NIBAN1: variants seen among roughly 807,000 people sequenced by gnomAD.
NIBAN1 encodes the protein protein Niban 1.
A neutral mutation model predicts 75.1 loss-of-function variants in NIBAN1; 81 were observed. That is an observed-to-expected ratio of 1.08 (90% CI 0.90 to 1.30). NIBAN1 has a LOEUF of 1.30. Ranked by LOEUF, NIBAN1 falls within the 50% of genes most tolerant of loss-of-function variation. NIBAN1 has a pLI of 0.00. For synonymous variants in NIBAN1, 436 were observed against 424.8 expected, an observed-to-expected ratio of 1.03 and a Z score of -0.32; for missense variants, 1,133 against 1,128.1, an observed-to-expected ratio of 1.00 and a Z score of -0.06.
At chr1:184,839,886 C>T (rs970844742) in intron 5 of NIBAN1, among the ~76,000 whole-genome samples, 1 of 152,030 alleles carries the variant, frequency 6.6e-6, no homozygotes, top group Non-Finnish European at 1.5e-5. Context: ...TGTGAGCCAC[C>T]GAGCCTGGCC....
At chr1:184,882,585 T>TAACA (rs1571544154) in intron 5 of NIBAN1, among the ~76,000 whole-genome samples, 1 of 152,216 alleles carries the variant, frequency 6.6e-6, no homozygotes, top group Non-Finnish European at 1.5e-5. Flanking sequence ...GTGCCTTTGA[T>TAACA]AACATACTGG....
At chr1:184,970,191 G>T (rs1658901102) in intron 1 of NIBAN1, among the ~76,000 whole-genome samples, 2 of 149,352 alleles carry the variant, frequency 1.3e-5, no homozygotes, top group African/African-American at 4.9e-5. Flanking sequence ...AAAAAAAAAT[G>T]GAGGAGTGGG....
intron 5 of NIBAN1, among the ~76,000 whole-genome samples, chr1:184,832,698 G>A (rs1197680178): frequency 6.6e-6 from 1 of 152,090 alleles, no homozygotes; most frequent in African/African-American, 2.4e-5. Flanking sequence ...CTAGTTTTAC[G>A]GGTTTGCCCT....
chr1:184,887,367 C>T (rs1656554403), intron 4 of NIBAN1, among the ~76,000 whole-genome samples: 1 of 152,080 alleles, frequency 6.6e-6, no homozygotes, highest in Non-Finnish European at 1.5e-5. Context: ...TATCTATTTC[C>T]CTTTCTGGGG....
chr1:184,821,642 T>C (rs556820791), intron 8 of NIBAN1, among the ~76,000 whole-genome samples: 80 of 152,334 alleles, frequency 5.3e-4, no homozygotes, highest in African/African-American at 1.9e-3. Flanking sequence ...GTTTCAGCCA[T>C]GAGAACGGCT....
chr1:184,936,357 G>A (rs1023122499), intron 1 of NIBAN1, among the ~76,000 whole-genome samples: 7 of 152,174 alleles, frequency 4.6e-5, no homozygotes, highest in Non-Finnish European at 8.8e-5. Flanking sequence ...AAGGGAAGTG[G>A]GGAGGAACAG....
chr1:184,926,619 GGA>G (rs1176921942), intron 1 of NIBAN1, among the ~76,000 whole-genome samples: 16 of 152,020 alleles, frequency 1.1e-4, no homozygotes, highest in African/African-American at 2.4e-5. Context: ...TTTAATTATT[GGA>G]TGTCTTGAGA....
chr1:184,794,972 C>T lies in NIBAN1; in HGVS notation c.*5G>A, dbSNP rs2102173714. The stretch of plus-strand genomic sequence containing the variant: ...CAGAGAAAGACTTCAGCCAAATTGT[C>T]CCTTTCACTCCTCTGAGGGCAGCTC... On this transcript the variant is annotated 3_prime_UTR_variant, in exon 14 of 14. Coordinates refer to ENST00000367511, the MANE Select transcript of NIBAN1 (RefSeq NM_052966.4). 6.2e-7 allele frequency: 1 copy of T among 1,607,490 alleles called. No homozygotes were observed. Among genetic ancestry groups the T allele is most frequent in the Non-Finnish European group, 8.5e-7 (1 of 1,180,010 alleles).
At chr1:184,932,293 A>T (rs956397208) in intron 1 of NIBAN1, among the ~76,000 whole-genome samples, 1 of 152,206 alleles carries the variant, frequency 6.6e-6, no homozygotes, top group African/African-American at 2.4e-5. Flanking sequence ...GCAACTCACC[A>T]TAATGTACAA....
chr1:184,804,660 T>A (rs1654138790), intron 11 of NIBAN1, among the ~76,000 whole-genome samples: 1 of 152,168 alleles, frequency 6.6e-6, no homozygotes, highest in South Asian at 2.1e-4. Flanking sequence ...CCTTTCTACA[T>A]TTTTTCTTCC....
At chr1:184,853,077 A>C in intron 5 of NIBAN1, among the ~76,000 whole-genome samples, 1 of 152,260 alleles carries the variant, frequency 6.6e-6, no homozygotes, top group East Asian at 1.9e-4. Context: ...GTCAATGAAA[A>C]GATTATAGCA....
In NIBAN1 at chr1:184,890,347, G is replaced by C. The variant is rs1656635601; in HGVS notation, c.319-125C>G. ...ATAGCAATCCCCATACTATGTTATT[G>C]AGTTATAGTCATTTACTCAAAAAAT... On this transcript the variant is annotated intron_variant, in intron 3 of 13. Transcript: ENST00000367511. 4 of 677,304 alleles carry C rather than the reference G, an allele frequency of 5.9e-6. 1 individual carries two copies. Among genetic ancestry groups the C allele is most frequent in the Admixed American group, 2.5e-5 (1 of 40,582 alleles). The allele number at this position is 677,304 out of a possible 1,614,324, so 42.0% of individuals were successfully genotyped here.
At position 184,795,154 on chromosome 1, in the gene NIBAN1, G is replaced by A. The variant is rs150744246; in HGVS notation, c.2610C>T (p.Ser870=). The A allele has an allele frequency of 1.2e-5, 20 of 1,614,010 alleles. No homozygotes were observed. The highest frequency in any genetic ancestry group is 6.7e-5 in the East Asian group (3 of 44,894). The change falls in exon 14 of 14, where the codon AGC becomes AGT. Residue 870 remains serine, a synonymous_variant. Coordinates refer to ENST00000367511, the MANE Select transcript of NIBAN1 (RefSeq NM_052966.4). ...TCACACTGGCCGTGGCCTGGGCCGC[G>A]CTGCTTTGCCCTCCCATCTCTTCTT... ...EEQEEMGGQS[S]AAQATASVNA... is the part of the protein sequence containing the mutation.
chr1:184,905,288 G>A (rs1657062679), intron 1 of NIBAN1, among the ~76,000 whole-genome samples: 1 of 152,068 alleles, frequency 6.6e-6, no homozygotes, highest in African/African-American at 2.4e-5. Flanking sequence ...ACCAAATCTT[G>A]GCACTGATGT....
intron 1 of NIBAN1, among the ~76,000 whole-genome samples, chr1:184,959,033 T>C (rs234123): frequency 0.27 from 41,788 of 152,154 alleles, 6,220 homozygotes; most frequent in African/African-American, 0.39. Context: ...TCTGAATTCT[T>C]TTTAGCTAAT....
chr1:184,818,603 C>T, intron 9 of NIBAN1, 35 bp downstream of exon 9: 2 of 1,520,324 alleles, frequency 1.3e-6, no homozygotes, highest in Non-Finnish European at 1.8e-6. Context: ...GCCAGGCAGA[C>T]CATTCACACC....
chr1:184,957,638 T>G (rs75790919), intron 1 of NIBAN1, among the ~76,000 whole-genome samples: 9,215 of 152,288 alleles, frequency 0.061, 296 homozygotes, highest in African/African-American at 0.069. Flanking sequence ...CTGGGAAATG[T>G]GAGAATTATA....
intron 5 of NIBAN1, among the ~76,000 whole-genome samples, chr1:184,844,122 TA>T (rs1419387402): frequency 6.6e-6 from 1 of 152,252 alleles, no homozygotes; most frequent in Non-Finnish European, 1.5e-5. Flanking sequence ...GGTCTTGGTA[TA>T]ATTTATCACT....
chr1:184,795,968 C>G lies in NIBAN1; in HGVS notation c.1796G>C (p.Arg599Thr). Residue 599 changes from arginine to threonine, a missense_variant, in exon 14 of 14, where the codon AGG (arginine) becomes ACG (threonine). Coordinates refer to ENST00000367511, the MANE Select transcript of NIBAN1 (RefSeq NM_052966.4). ...PTGSNQASPA[R>T]RASAILPGVL... The stretch of plus-strand genomic sequence containing the variant: ...TCCTGGCAGAATGGCAGAAGCTCTC[C>G]TGGCAGGGCTGGCCTGGTTTGACCC... 1 of 1,614,174 alleles carries G rather than the reference C, an allele frequency of 6.2e-7. No individual in the cohort carries two copies. The highest frequency in any genetic ancestry group is 8.5e-7 in the Non-Finnish European group (1 of 1,180,024).
Sources: allele counts gnomAD v4.1 joint callset (sites outside exome capture counted in the v4.1 genomes callset), GRCh38; gene constraint gnomAD v4.1.1; transcripts MANE v1.5; gene names NCBI Gene and HGNC (gene_info 2026-07-23, HGNC 2026-07-21).